NIBAN1: variants seen among roughly 807,000 people sequenced by gnomAD.
NIBAN1 encodes the protein niban apoptosis regulator 1, also known as protein Niban 1.
In NIBAN1, 81 loss-of-function variants were observed where a neutral mutation model predicts 75.1. The observed-to-expected ratio is 1.08, with a 90% CI of 0.90 to 1.30. The LOEUF is 1.30. Among genes scored for constraint, NIBAN1 ranks in the 50% most tolerant of loss-of-function variants. The pLI is 0.00. For synonymous variants in NIBAN1, 436 were observed against 424.8 expected (o/e 1.03, Z -0.32); for missense variants, 1,133 against 1,128.1 (o/e 1.00, Z -0.06).
chr1:184,811,639 C>A (rs991346339), intron 9 of NIBAN1, among the ~76,000 whole-genome samples: 3 of 151,334 alleles, frequency 2.0e-5, no homozygotes, highest in Non-Finnish European at 4.4e-5. Context: ...CTACAGGCAC[C>A]CCGCCACCAC....
chr1:184,928,827 T>A (rs561850518), intron 1 of NIBAN1, among the ~76,000 whole-genome samples: 1 of 152,092 alleles, frequency 6.6e-6, no homozygotes, highest in South Asian at 2.1e-4. Context: ...TAAAGGTGAT[T>A]TTCTGTGTGA....
rs1416742247 is a variant in NIBAN1, at chr1:184,793,881, C to T, written c.*1096G>A. 6.6e-6 allele frequency: 1 copy of T among 152,078 alleles called. No homozygotes were observed. Among genetic ancestry groups the T allele is most frequent in the East Asian group, 1.9e-4 (1 of 5,188 alleles). 9.4% of individuals were successfully genotyped at this position (152,078 alleles called of 1,614,324 possible). On this transcript the variant is annotated 3_prime_UTR_variant, in exon 14 of 14. Coordinates refer to ENST00000367511, the MANE Select transcript of NIBAN1 (RefSeq NM_052966.4). ...TGAATGACCAAACAAATGATTTCAG[C>T]TTTTGATAACATCTTTGGAACTTGA...
intron 1 of NIBAN1, among the ~76,000 whole-genome samples, chr1:184,920,907 G>A (rs940706546): frequency 1.3e-5 from 2 of 152,178 alleles, no homozygotes; most frequent in Admixed American, 1.3e-4. Flanking sequence ...GCCAAGGCAG[G>A]TGGATCACCT....
At chr1:184,928,111 C>G (rs1376270416) in intron 1 of NIBAN1, among the ~76,000 whole-genome samples, 1 of 152,118 alleles carries the variant, frequency 6.6e-6, no homozygotes, top group Non-Finnish European at 1.5e-5. Context: ...TAGCAAGTTC[C>G]CTTCTGGCAC....
At chr1:184,973,025 CA>C (rs1658977903) in intron 1 of NIBAN1, among the ~76,000 whole-genome samples, 1 of 152,232 alleles carries the variant, frequency 6.6e-6, no homozygotes, top group Non-Finnish European at 1.5e-5. Flanking sequence ...ACTGGTAACA[CA>C]AGCATGTAGC....
chr1:184,914,872 G>A (rs1196350798), intron 1 of NIBAN1, among the ~76,000 whole-genome samples: 7 of 152,096 alleles, frequency 4.6e-5, no homozygotes, highest in South Asian at 2.1e-4. Context: ...ACAGGCACCC[G>A]CCACCATGCC....
chr1:184,806,108 C>T (rs367603019), intron 10 of NIBAN1, 52 bp from the exon 11 acceptor site: 3 of 1,472,108 alleles, frequency 2.0e-6, no homozygotes, highest in African/African-American at 1.4e-5. Context: ...GCTGGGATCA[C>T]CACCCACAGG....
rs1659023115 is a variant in NIBAN1 at position 184,974,411 on chromosome 1, A to G, written c.-55T>C. 7 of 1,525,284 alleles carry G rather than the reference A, an allele frequency of 4.6e-6. No individual in the cohort carries two copies. The Admixed American group carries it at 6.1e-5, about 13-fold the overall frequency. 94.5% of individuals were successfully genotyped at this position (1,525,284 alleles called of 1,614,324 possible). A position where few individuals can be genotyped will look rare whatever the true frequency, so the allele number is the denominator to read the frequency against. On this transcript the variant is annotated 5_prime_UTR_variant, in exon 1 of 14. Transcript: ENST00000367511. The stretch of plus-strand genomic sequence containing the variant: ...AACTGCCCGGTCCGCGCCCGCTGCT[A>G]GCTCCTGGAGGTTGATCCGACGGCG...
chr1:184,972,779 T>C (rs1359880725), intron 1 of NIBAN1, among the ~76,000 whole-genome samples: 1 of 152,264 alleles, frequency 6.6e-6, no homozygotes, highest in Non-Finnish European at 1.5e-5. Context: ...CTGAGTACAA[T>C]GTTTGCATCA....
chr1:184,799,481 T>C (rs1443248034), intron 12 of NIBAN1, among the ~76,000 whole-genome samples: 3 of 149,936 alleles, frequency 2.0e-5, no homozygotes, highest in African/African-American at 7.4e-5. Context: ...TTTGCTATTG[T>C]GAATAGTGCC....
Position 184,890,107 on chromosome 1 carries a change from C to T in NIBAN1, c.433+1G>A. On this transcript the variant is annotated splice_donor_variant, in intron 4 of 13. Coordinates refer to ENST00000367511, the MANE Select transcript of NIBAN1 (RefSeq NM_052966.4). LOFTEE classifies it high-confidence loss of function. ...TTGGAAAAGAATGATCAGCAACTCA[C>T]CAAGAGGGTCTGGGAAATGCCTGTC... is the stretch of plus-strand genomic sequence containing the variant. 1 of 1,610,668 alleles carries T rather than the reference C, an allele frequency of 6.2e-7. No individual in the cohort carries two copies. Among genetic ancestry groups the T allele is most frequent in the Non-Finnish European group, 8.5e-7 (1 of 1,177,028 alleles).
chr1:184,899,397 TCTGTTTCTATCCCTCCAGTCACCC>T (rs1158673545), intron 1 of NIBAN1, 88 bp from the exon 2 acceptor site: 21 of 1,345,530 alleles, frequency 1.6e-5, no homozygotes, highest in Middle Eastern at 2.1e-4. Flanking sequence ...CTCCAGTCTC[TCTGTTTCTATCCCTCCAGTCACCC>T]CTGTTTCTAT....
chr1:184,861,689 G>A (rs1158092381), intron 5 of NIBAN1, among the ~76,000 whole-genome samples: 1 of 145,896 alleles, frequency 6.9e-6, no homozygotes, highest in African/African-American at 2.5e-5. Flanking sequence ...GGGAAGGAGT[G>A]AGGGAAGGAA....
At chr1:184,872,947 C>CA (rs948046773) in intron 5 of NIBAN1, among the ~76,000 whole-genome samples, 19 of 151,646 alleles carry the variant, frequency 1.3e-4, no homozygotes, top group African/African-American at 2.4e-4. Flanking sequence ...ATACCAAAGA[C>CA]AAAAAAAGAT....
intron 12 of NIBAN1, among the ~76,000 whole-genome samples, chr1:184,799,290 G>T (rs1307445501): frequency 6.6e-6 from 1 of 150,744 alleles, no homozygotes; most frequent in African/African-American, 2.4e-5. Context: ...AGAATATGCG[G>T]TGTTTGGTTT....
chr1:184,899,597 C>T (rs1484120548), intron 1 of NIBAN1, among the ~76,000 whole-genome samples: 2 of 152,054 alleles, frequency 1.3e-5, no homozygotes, highest in Non-Finnish European at 2.9e-5. Flanking sequence ...AATCCCGTAA[C>T]CTATTGAGTT....
intron 5 of NIBAN1, among the ~76,000 whole-genome samples, chr1:184,845,560 T>C (rs1051688098): frequency 3.9e-5 from 6 of 152,266 alleles, no homozygotes; most frequent in African/African-American, 1.4e-4. Context: ...AGTTCAAGAC[T>C]AGCTTGGGCA....
chr1:184,930,683 G>A (rs1410655706), intron 1 of NIBAN1, among the ~76,000 whole-genome samples: 1 of 152,060 alleles, frequency 6.6e-6, no homozygotes, highest in African/African-American at 2.4e-5. Context: ...AGGGAGCAAG[G>A]GCAAATATGA....
intron 5 of NIBAN1, among the ~76,000 whole-genome samples, chr1:184,854,266 G>T (rs751637228): frequency 3.3e-5 from 5 of 152,072 alleles, no homozygotes; most frequent in Non-Finnish European, 5.9e-5. Context: ...AGAGGAGGAG[G>T]CAATGAAAGA....
Sources: gnomAD v4.1 joint callset for allele counts (sites outside exome capture counted in the v4.1 genomes callset) on GRCh38, gnomAD v4.1.1 for gene constraint, MANE v1.5 for transcripts, NCBI Gene and HGNC (gene_info 2026-07-23, HGNC 2026-07-21) for gene names.